The following DCC variants were observed in gnomAD, a reference collection of about 807,000 sequenced individuals.
The protein encoded by DCC is netrin receptor DCC.
DCC carries 58 observed loss-of-function variants against 172.5 expected under a neutral mutation model. That is an observed-to-expected ratio of 0.34 (90% CI 0.27 to 0.42). The LOEUF is 0.42. Ranked by LOEUF, DCC falls within the 10% of genes least tolerant of loss-of-function variation. The probability of loss-of-function intolerance (pLI) is 1.00; values close to 1 mark genes in which losing one functional copy is unlikely to be tolerated. For synonymous variants in DCC, 709 were observed against 644.5 expected, an observed-to-expected ratio of 1.10 and a Z score of -1.52; for missense variants, 1,740 against 1,791.0, an observed-to-expected ratio of 0.97 and a Z score of 0.51.
intron 9 of DCC, among the ~76,000 whole-genome samples, chr18:53,194,206 A>T (rs995941447): frequency 3.9e-5 from 6 of 152,158 alleles, no homozygotes; most frequent in Admixed American, 6.5e-5. Flanking sequence ...GCTCAAATCA[A>T]TGTGAAGTAA....
intron 11 of DCC, 129 bp from the exon 12 acceptor site, chr18:53,215,416 TACC>T (rs2055830553): frequency 1.3e-6 from 1 of 779,336 alleles, no homozygotes; most frequent in Non-Finnish European, 2.3e-6. Flanking sequence ...TTTGAAGTAC[TACC>T]TGGGTTAACC....
In DCC at chr18:52,513,777, G is replaced by A. The variant is rs1054918815; in HGVS notation, c.91+172899G>A. On this transcript the variant is annotated intron_variant, in intron 1 of 28. Transcript: ENST00000442544. ...GCTATTTATGGGCCTGCACTCCTCA[G>A]TCTGCTATTAAATATCTCAATCACA... 9.2e-5 allele frequency among the ~76,000 whole-genome samples: 14 copies of A among 152,248 alleles called. No homozygotes were observed. In the South Asian group the frequency reaches 1.0e-3, roughly 11 times the overall value.
At chr18:52,514,366 T>C (rs1039135194) in intron 1 of DCC, among the ~76,000 whole-genome samples, 2 of 152,200 alleles carry the variant, frequency 1.3e-5, no homozygotes, top group Non-Finnish European at 2.9e-5. Context: ...TGTGAGGTGA[T>C]GTCTTGTGCA....
intron 26 of DCC, among the ~76,000 whole-genome samples, chr18:53,492,939 C>T (rs530860306): frequency 4.6e-4 from 70 of 152,268 alleles, no homozygotes; most frequent in South Asian, 1.5e-3. Context: ...GGTATTGATT[C>T]TTCCTATCTA....
intron 1 of DCC, among the ~76,000 whole-genome samples, chr18:52,431,823 G>T (rs1190298618): frequency 6.6e-5 from 10 of 152,088 alleles, no homozygotes; most frequent in Non-Finnish European, 4.4e-5. Flanking sequence ...GAAATGTCAA[G>T]CCCCATTTGA....
intron 1 of DCC, among the ~76,000 whole-genome samples, chr18:52,454,347 C>T (rs1469796165): frequency 6.6e-6 from 1 of 152,000 alleles, no homozygotes; most frequent in Non-Finnish European, 1.5e-5. Context: ...CACAAAAAAT[C>T]CCTCAGGATA....
chr18:53,357,198 T>C (rs1282822634), intron 15 of DCC, among the ~76,000 whole-genome samples: 1 of 152,188 alleles, frequency 6.6e-6, no homozygotes, highest in Admixed American at 6.6e-5. Context: ...CTGCATTATA[T>C]CTATTTCCTG....
At chr18:53,084,168 C>T (rs2042845931) in intron 7 of DCC, among the ~76,000 whole-genome samples, 2 of 152,126 alleles carry the variant, frequency 1.3e-5, no homozygotes, top group African/African-American at 4.8e-5. Context: ...TTACAGAGTC[C>T]CGAGGTGGCT....
At chr18:52,923,930 T>C in intron 4 of DCC, 73 bp downstream of exon 4, 1 of 1,142,094 alleles carries the variant, frequency 8.8e-7, no homozygotes, top group South Asian at 1.2e-5. Context: ...ATTTCTCTAA[T>C]TTGATATAAG....
intron 5 of DCC, among the ~76,000 whole-genome samples, chr18:52,971,455 G>C (rs115705739): frequency 0.035 from 5,312 of 152,018 alleles, 122 homozygotes; most frequent in African/African-American, 0.053. Context: ...AACATCTTTT[G>C]CAAGTTGACA....
intron 1 of DCC, among the ~76,000 whole-genome samples, chr18:52,722,899 TGGGAGC>T (rs1357487019): frequency 1.3e-5 from 2 of 152,224 alleles, no homozygotes; most frequent in African/African-American, 4.8e-5. Context: ...AAAGGATTCA[TGGGAGC>T]TAAAATTAAA....
intron 21 of DCC, among the ~76,000 whole-genome samples, chr18:53,433,461 A>G (rs1911749652): frequency 6.6e-6 from 1 of 152,136 alleles, no homozygotes. Context: ...CCCAACAGGA[A>G]ACATGTATTG....
chr18:53,055,247 G>A (rs530604629), intron 5 of DCC, among the ~76,000 whole-genome samples: 2 of 152,272 alleles, frequency 1.3e-5, no homozygotes, highest in African/African-American at 2.4e-5. Context: ...ATGAATTGCT[G>A]TAGAACCAAC....
intron 5 of DCC, among the ~76,000 whole-genome samples, chr18:53,060,072 C>A (rs934166775): frequency 6.7e-6 from 1 of 149,380 alleles, no homozygotes; most frequent in Non-Finnish European, 1.5e-5. Context: ...GGCACAATAG[C>A]GGCTCACTGC....
chr18:52,782,145 C>G (rs373255017), intron 2 of DCC, among the ~76,000 whole-genome samples: 1 of 152,198 alleles, frequency 6.6e-6, no homozygotes, highest in African/African-American at 2.4e-5. Flanking sequence ...AAGGTGCTTC[C>G]TAAACAAAAG....
chr18:53,309,964 G>GTATATATATATATATATATATATA (rs56355500), intron 13 of DCC, among the ~76,000 whole-genome samples: 2 of 137,352 alleles, frequency 1.5e-5, no homozygotes, highest in Non-Finnish European at 3.1e-5. Context: ...ATACGTGTGT[G>GTATATATATATATATATATATATA]TATATATATA....
At chr18:53,506,482 C>T (rs903116634) in intron 27 of DCC, among the ~76,000 whole-genome samples, 1 of 152,070 alleles carries the variant, frequency 6.6e-6, no homozygotes, top group Admixed American at 6.5e-5. Flanking sequence ...CCACAGCCCT[C>T]GGAAATTCAG....
At chr18:52,904,612 T>C (rs946018577) in intron 2 of DCC, among the ~76,000 whole-genome samples, 1 of 152,190 alleles carries the variant, frequency 6.6e-6, no homozygotes, top group Admixed American at 6.5e-5. Flanking sequence ...GAATTTTGTT[T>C]ACTGAAGATT....
At chr18:52,991,270 T>C (rs2041386397) in intron 5 of DCC, among the ~76,000 whole-genome samples, 2 of 152,190 alleles carry the variant, frequency 1.3e-5, no homozygotes, top group South Asian at 4.1e-4. Context: ...TTATCTTTTT[T>C]TGTTTTAAGT....
Sources: allele counts gnomAD v4.1 joint callset (sites outside exome capture counted in the v4.1 genomes callset), GRCh38; gene constraint gnomAD v4.1.1; transcripts MANE v1.5; gene names NCBI Gene and HGNC (gene_info 2026-07-23, HGNC 2026-07-21).